BTBD17: variants seen among roughly 807,000 people sequenced by gnomAD.
BTBD17 encodes BTB domain containing 17, also known as BTB/POZ domain-containing protein 17.
In BTBD17, 26 loss-of-function variants were observed where a neutral mutation model predicts 36.9. The ratio of observed to expected loss-of-function variants is 0.70; its 90% CI spans 0.52 to 0.98. The LOEUF (loss-of-function observed/expected upper bound fraction) is 0.98, where lower values mean the gene tolerates loss of function less well. Among genes scored for constraint, BTBD17 ranks in the 50% least tolerant of loss-of-function variants. The pLI is 0.00. For synonymous variants in BTBD17, 341 were observed against 338.0 expected, an observed-to-expected ratio of 1.01 and a Z score of -0.10; for missense variants, 630 against 691.3, an observed-to-expected ratio of 0.91 and a Z score of 0.99.
Position 74,357,874 on chromosome 17 carries a change from CTT to C in BTBD17, c.363-145_363-144del. The C allele has an allele frequency of 1.6e-6, 1 of 613,618 alleles. No individual in the cohort carries two copies. Among genetic ancestry groups the C allele is most frequent in the Non-Finnish European group, 2.7e-6 (1 of 365,306 alleles). 38.0% of individuals were successfully genotyped at this position (613,618 alleles called of 1,614,324 possible). ...ACACAGTGGAAGCCCCACCCTGAGG[CTT>C]CCCATGTTTTCCTTTCAAGGACCCT... On this transcript the variant is annotated intron_variant, in intron 2 of 2. Transcript: ENST00000375366. This position sits in a 1 kb window ranked among gnomAD's most constrained non-coding sequence, Gnocchi z 8.4.
At chr17:74,362,962 G>A (rs1480522228), upstream of BTBD17, among the ~76,000 whole-genome samples, 12 of 110,676 alleles carry the variant, frequency 1.1e-4, no homozygotes, top group African/African-American at 2.2e-4. Flanking sequence ...AAAAGCGCGC[G>A]CGCATGTGTG....
intron 1 of BTBD17, among the ~76,000 whole-genome samples, chr17:74,360,694 A>C (rs1219138888): frequency 6.6e-6 from 1 of 152,254 alleles, no homozygotes; most frequent in Non-Finnish European, 1.5e-5. Flanking sequence ...TTGAGCACTT[A>C]CTATATGCTA....
chr17:74,358,731 G>A (rs898108888), intron 2 of BTBD17, among the ~76,000 whole-genome samples: 4 of 151,824 alleles, frequency 2.6e-5, no homozygotes, highest in East Asian at 1.9e-4. Flanking sequence ...AGTCCCCACC[G>A]GCACACGGCA....
chr17:74,359,868 C>A (rs1355275195), intron 2 of BTBD17, 101 bp downstream of exon 2: 21 of 1,217,714 alleles, frequency 1.7e-5, no homozygotes. Flanking sequence ...GGGAAATGGA[C>A]ATAACAACCT....
chr17:74,356,770 G>C lies in BTBD17; in HGVS notation c.1324C>G (p.Leu442Val). 6.2e-7 allele frequency: 1 copy of C among 1,603,192 alleles called. No homozygotes were observed. Among genetic ancestry groups the C allele is most frequent in the Non-Finnish European group, 8.5e-7 (1 of 1,175,852 alleles). ...CGCCGCTGCAGGTCGGCGTGCGCCA[G>C]GAAGTCGCCGGCCTCCTCGCTGCTC... ...HQSSEEAGDF[L>V]AHADLQRRNS... Residue 442 changes from leucine to valine, a missense_variant, in exon 3 of 3, where the codon CTG (leucine) becomes GTG (valine). Physicochemically the swap from Leu to Val is conservative, Grantham distance 32. Coordinates refer to ENST00000375366, the MANE Select transcript of BTBD17 (RefSeq NM_001080466.2). The surrounding 1 kb of genome is among the most constrained non-coding windows in gnomAD (Gnocchi z 4.3).
Position 74,357,397 on chromosome 17 carries a change from C to T in BTBD17, c.697G>A (p.Ala233Thr). Reference protein sequence around the residue: ...VLQDELELFHALEAWLGRARP... With the variant: ...VLQDELELFHTLEAWLGRARP... ...GCGCGACCCAGCCAGGCCTCCAGCG[C>T]GTGGAACAGCTCCAGTTCATCCTGC... The change falls in exon 3 of 3, where the codon GCG becomes ACG. Residue 233 changes from alanine (A) to threonine (T), a missense_variant. By Grantham distance (58) the Ala-to-Thr change is moderately conservative. Transcript: ENST00000375366. The surrounding 1 kb of genome is among the most constrained non-coding windows in gnomAD (Gnocchi z 8.4). 6.3e-7 allele frequency: 1 copy of T among 1,575,288 alleles called. No homozygotes were observed. Among genetic ancestry groups the T allele is most frequent in the Non-Finnish European group, 8.6e-7 (1 of 1,169,474 alleles).
rs778787548 is a variant in BTBD17 at position 74,357,389 on chromosome 17, C to T, written c.705G>A (p.Glu235=). Residue 235 remains glutamate, a synonymous_variant, in exon 3 of 3, where the codon GAG becomes GAA. Transcript: ENST00000375366. This position sits in a 1 kb window ranked among gnomAD's most constrained non-coding sequence, Gnocchi z 8.4. ...QDELELFHAL[E]AWLGRARPPP... is the part of the protein sequence containing the mutation. Reference sequence around the variant, plus strand: ...GCGGCCGCGCGCGACCCAGCCAGGCCTCCAGCGCGTGGAACAGCTCCAGTT... The same window carrying T: ...GCGGCCGCGCGCGACCCAGCCAGGCTTCCAGCGCGTGGAACAGCTCCAGTT... The T allele has an allele frequency of 1.3e-6, 2 of 1,570,088 alleles. No homozygotes were observed. Among genetic ancestry groups the T allele is most frequent in the Non-Finnish European group, 1.7e-6 (2 of 1,166,914 alleles).
At position 74,357,011 on chromosome 17, in the gene BTBD17, C is replaced by A; in HGVS notation, c.1083G>T (p.Ser361=). Residue 361 remains serine, a synonymous_variant, in exon 3 of 3, where the codon TCG becomes TCT. Coordinates refer to ENST00000375366, the MANE Select transcript of BTBD17 (RefSeq NM_001080466.2). The surrounding 1 kb of genome is among the most constrained non-coding windows in gnomAD (Gnocchi z 8.4). Reference sequence around the variant, plus strand: ...GCAGGCTGACGGGCAGCCAGCGCGGCGAGAAGAGCACGTTCCAGGTGACCC... The same window carrying A: ...GCAGGCTGACGGGCAGCCAGCGCGGAGAGAAGAGCACGTTCCAGGTGACCC... ...GRRVTWNVLF[S]PRWLPVSLRP... is the part of the protein sequence containing the mutation. 1.3e-6 allele frequency: 2 copies of A among 1,505,932 alleles called. No homozygotes were observed. The highest frequency in any genetic ancestry group is 5.5e-5 in the East Asian group (2 of 36,452). 93.3% of individuals were successfully genotyped at this position (1,505,932 alleles called of 1,614,324 possible). A position where few individuals can be genotyped will look rare whatever the true frequency, so the allele number is the denominator to read the frequency against.
chr17:74,358,004 G>A (rs1184076326), intron 2 of BTBD17, among the ~76,000 whole-genome samples: 1 of 152,208 alleles, frequency 6.6e-6, no homozygotes, highest in Non-Finnish European at 1.5e-5. Flanking sequence ...CCCTAGGCTG[G>A]AACAAAACAG....
At chr17:74,359,335 C>T (rs957551910) in intron 2 of BTBD17, among the ~76,000 whole-genome samples, 7 of 152,124 alleles carry the variant, frequency 4.6e-5, no homozygotes, top group Admixed American at 2.0e-4. Flanking sequence ...GGTTGGGATC[C>T]GTGAAACTGT....
At chr17:74,362,965 C>CGCGCGTGTGTGT (rs112779081), upstream of BTBD17, among the ~76,000 whole-genome samples, 4 of 145,906 alleles carry the variant, frequency 2.7e-5, no homozygotes, top group African/African-American at 1.0e-4. Context: ...AGCGCGCGCG[C>CGCGCGTGTGTGT]ATGTGTGTGT....
At chr17:74,359,368 G>T (rs60236785) in intron 2 of BTBD17, among the ~76,000 whole-genome samples, 50,808 of 148,962 alleles carry the variant, frequency 0.34, 9,460 homozygotes, top group Middle Eastern at 0.52. Context: ...TGTTTGTTTG[G>T]TTGGTTGGTT....
chr17:74,361,245 G>A (rs1017091405), intron 1 of BTBD17, among the ~76,000 whole-genome samples: 3 of 152,244 alleles, frequency 2.0e-5, no homozygotes, highest in South Asian at 2.1e-4. Flanking sequence ...CGAGAACAGC[G>A]AGGGGAGCCT....
upstream of BTBD17, among the ~76,000 whole-genome samples, chr17:74,362,970 G>GTGTGTGTGTA (rs2054950179): frequency 6.7e-6 from 1 of 150,058 alleles, no homozygotes; most frequent in Non-Finnish European, 1.5e-5. Context: ...GCGCGCATGT[G>GTGTGTGTGTA]TGTGTGTGTG....
Position 74,357,600 on chromosome 17 carries a change from C to T in BTBD17, c.494G>A (p.Gly165Asp). 1.3e-6 allele frequency: 2 copies of T among 1,549,798 alleles called. No homozygotes were observed. The highest frequency in any genetic ancestry group is 1.7e-6 in the Non-Finnish European group (2 of 1,152,676). ...GTACCAGCCCACCGCCGGGCCCGCGCCTCCCGCCAGGTGCGCGCGCATGTA... is the reference window on the plus strand; with the variant it reads ...GTACCAGCCCACCGCCGGGCCCGCGTCTCCCGCCAGGTGCGCGCGCATGTA... ...ADYMRAHLAG[G>D]AGPAVGWYHY... Residue 165 changes from glycine (G) to aspartate (D), a missense_variant, in exon 3 of 3, where the codon GGC (glycine) becomes GAC (aspartate). Transcript: ENST00000375366. This position sits in a 1 kb window ranked among gnomAD's most constrained non-coding sequence, Gnocchi z 8.4.
rs767625485 is a variant in BTBD17 at position 74,357,056 on chromosome 17, A to T, written c.1038T>A (p.Ser346Arg). 1.3e-6 allele frequency: 2 copies of T among 1,531,310 alleles called. No homozygotes were observed. The highest frequency in any genetic ancestry group is 2.4e-5 in the South Asian group (2 of 82,816). 94.9% of individuals were successfully genotyped at this position (1,531,310 alleles called of 1,614,324 possible). Reference protein sequence around the residue: ...STSFQTQLGPSGHDAGRRVTW... With the variant: ...STSFQTQLGPRGHDAGRRVTW... ...TGACCCGGCGGCCCGCGTCGTGGCC[A>T]CTCGGGCCCAGCTGCGTCTGGAAGC... Residue 346 changes from serine (S) to arginine (R), a missense_variant, in exon 3 of 3, where the codon AGT becomes AGA. Transcript: ENST00000375366. This position sits in a 1 kb window ranked among gnomAD's most constrained non-coding sequence, Gnocchi z 8.4.
At chr17:74,358,400 T>C (rs1238605928) in intron 2 of BTBD17, among the ~76,000 whole-genome samples, 1 of 151,552 alleles carries the variant, frequency 6.6e-6, no homozygotes, top group Non-Finnish European at 1.5e-5. Flanking sequence ...CCTGGGAGTC[T>C]GAGGTGGGAA....
intron 2 of BTBD17, among the ~76,000 whole-genome samples, chr17:74,359,475 C>T (rs1198116661): frequency 1.3e-5 from 2 of 152,056 alleles, no homozygotes; most frequent in African/African-American, 4.8e-5. Flanking sequence ...CCAAACTCTG[C>T]CTCCCAGGTT....
rs1289063741 is a variant in BTBD17, at chr17:74,357,537, T to G, written c.557A>C (p.Glu186Ala). Residue 186 changes from glutamate (E) to alanine (A), a missense_variant, in exon 3 of 3, where the codon GAG (glutamate) becomes GCG (alanine). Transcript: ENST00000375366. This position sits in a 1 kb window ranked among gnomAD's most constrained non-coding sequence, Gnocchi z 8.4. ...AVGTGDEALRESCLQFLAWNL... is the reference protein window; with the variant it reads ...AVGTGDEALRASCLQFLAWNL... ...CCAGGCCAGGAACTGCAGGCAGCTC[T>G]CGCGCAGGGCCTCGTCCCCGGTGCC... 2 of 1,557,424 alleles carry G rather than the reference T, an allele frequency of 1.3e-6. No individual in the cohort carries two copies.
Sources: allele counts gnomAD v4.1 joint callset (sites outside exome capture counted in the v4.1 genomes callset), GRCh38; gene constraint gnomAD v4.1.1; non-coding constraint Gnocchi (gnomAD v3.1); transcripts MANE v1.5; gene names NCBI Gene and HGNC (gene_info 2026-07-23, HGNC 2026-07-21).